DEPDC4: variants seen among roughly 807,000 people sequenced by gnomAD.
The protein encoded by DEPDC4 is DEP domain containing 4.
Under a neutral mutation model 52.0 loss-of-function variants are expected in DEPDC4, and 52 were observed. That is an observed-to-expected ratio of 1.00 (90% CI 0.80 to 1.26). The LOEUF (loss-of-function observed/expected upper bound fraction) is 1.26. DEPDC4 is among the 50% of genes most tolerant of loss of function. DEPDC4 has a pLI of 0.00. For synonymous variants in DEPDC4, 201 were observed against 196.8 expected, an observed-to-expected ratio of 1.02 and a Z score of -0.18; for missense variants, 530 against 546.9, an observed-to-expected ratio of 0.97 and a Z score of 0.31.
Position 100,262,287 on chromosome 12 carries a change from G to A in DEPDC4, c.677C>T (p.Pro226Leu), listed in dbSNP as rs552169108. ...ALCPNITVQKPFLRLSKEDVW... is the reference protein window; with the variant it reads ...ALCPNITVQKLFLRLSKEDVW... Reference sequence around the variant, plus strand: ...ACCTTCTTTTGAAAGCCGGAGAAAAGGTTTCTGAACTGTGATATTTGGACA... The same window carrying A: ...ACCTTCTTTTGAAAGCCGGAGAAAAAGTTTCTGAACTGTGATATTTGGACA... The change falls in exon 3 of 10, where the codon CCT becomes CTT. Residue 226 changes from proline (P) to leucine (L), a missense_variant. Physicochemically the swap from Pro to Leu is moderately conservative, Grantham distance 98. Coordinates refer to ENST00000550587, the MANE Select transcript of DEPDC4 (RefSeq NM_001364818.2). 598 of 1,605,986 alleles carry A rather than the reference G, an allele frequency of 3.7e-4. 10 individuals are homozygous for A. The South Asian group carries it at 6.4e-3, about 17-fold the overall frequency.
At chr12:100,262,774 A>G (rs2096258329) in intron 2 of DEPDC4, among the ~76,000 whole-genome samples, 2 of 152,206 alleles carry the variant, frequency 1.3e-5, no homozygotes, top group Admixed American at 6.5e-5. Context: ...TTCCTGGTAT[A>G]AACTCTGAAA....
At chr12:100,279,052 G>C in the DEPDC4 span, among the ~76,000 whole-genome samples, 2 of 152,148 alleles carry the variant, frequency 1.3e-5, no homozygotes, top group African/African-American at 4.8e-5. Context: ...GGGTTTCTTT[G>C]TGTTTATCCT....
At chr12:100,271,534 G>C (rs888028479), upstream of DEPDC4, among the ~76,000 whole-genome samples, 5 of 152,088 alleles carry the variant, frequency 3.3e-5, no homozygotes, top group Non-Finnish European at 7.4e-5. Context: ...AGACCTTTGT[G>C]CCCCTTTAAG....
At chr12:100,260,026 T>C (rs1278776149) in intron 3 of DEPDC4, among the ~76,000 whole-genome samples, 2 of 152,008 alleles carry the variant, frequency 1.3e-5, no homozygotes, top group African/African-American at 4.8e-5. Flanking sequence ...CTTTACAGGC[T>C]ACTGTAAAAT....
At chr12:100,246,162 T>C (rs1414899321) in intron 8 of DEPDC4, among the ~76,000 whole-genome samples, 1 of 151,878 alleles carries the variant, frequency 6.6e-6, no homozygotes, top group Non-Finnish European at 1.5e-5. Context: ...CATTTTGTTT[T>C]GCCTTATGCC....
intron 2 of DEPDC4, 47 bp from the exon 3 acceptor site, chr12:100,262,456 A>G (rs751111946): frequency 7.1e-7 from 1 of 1,405,652 alleles, no homozygotes; most frequent in African/African-American, 1.5e-5. Context: ...ACAGAACCAA[A>G]ATTTCAAATA....
At chr12:100,263,459 TA>T (rs746795956) in intron 2 of DEPDC4, 37 bp downstream of exon 2, 9 of 1,481,826 alleles carry the variant, frequency 6.1e-6, no homozygotes, top group Non-Finnish European at 7.2e-6. Context: ...TTCTAGGGTC[TA>T]AATAAAATAT....
Position 100,256,149 on chromosome 12 carries a change from G to C in DEPDC4, c.778C>G (p.Pro260Ala). ...LPFLDNILEP[P>A]VKTQNLQLNK... ...AGTTGAAGATTTTGTGTTTTAACTG[G>C]AGGCTCCAAAATATTGTCCAAGAAT... Residue 260 changes from proline (P) to alanine (A), a missense_variant, in exon 4 of 10, where the codon CCA becomes GCA. Pro to Ala is a conservative substitution (Grantham distance 27). Coordinates refer to ENST00000550587, the MANE Select transcript of DEPDC4 (RefSeq NM_001364818.2). 1 of 1,613,006 alleles carries C rather than the reference G, an allele frequency of 6.2e-7. No individual in the cohort carries two copies. Among genetic ancestry groups the C allele is most frequent in the Non-Finnish European group, 8.5e-7 (1 of 1,179,230 alleles).
chr12:100,268,448 A>C (rs1250819181), upstream of DEPDC4, among the ~76,000 whole-genome samples: 1 of 152,208 alleles, frequency 6.6e-6, no homozygotes, highest in Non-Finnish European at 1.5e-5. Flanking sequence ...ATATTTTTAA[A>C]ATATTTAAAA....
At chr12:100,243,368 T>C (rs2096168338) in intron 8 of DEPDC4, among the ~76,000 whole-genome samples, 1 of 152,156 alleles carries the variant, frequency 6.6e-6, no homozygotes, top group Non-Finnish European at 1.5e-5. Context: ...TAACCATCTA[T>C]TTCAAACTAT....
chr12:100,280,153 AT>A, the DEPDC4 span, among the ~76,000 whole-genome samples: 55 of 152,280 alleles, frequency 3.6e-4, no homozygotes, highest in African/African-American at 1.3e-3. Flanking sequence ...TGTTTAATAC[AT>A]TTTGTTCAGT....
At chr12:100,254,795 C>T (rs2096225477) in intron 4 of DEPDC4, among the ~76,000 whole-genome samples, 2 of 151,524 alleles carry the variant, frequency 1.3e-5, no homozygotes, top group Non-Finnish European at 2.9e-5. Flanking sequence ...AGTCATAGCT[C>T]ACTCTAACTT....
At chr12:100,244,473 A>G (rs11110311) in intron 8 of DEPDC4, among the ~76,000 whole-genome samples, 11,818 of 151,540 alleles carry the variant, frequency 0.078, 1,060 homozygotes, top group African/African-American at 0.22. Flanking sequence ...GAGCCACAGC[A>G]TCCGGCCTAT....
At chr12:100,244,842 C>A (rs1281833597) in intron 8 of DEPDC4, among the ~76,000 whole-genome samples, 2 of 150,360 alleles carry the variant, frequency 1.3e-5, no homozygotes, top group Non-Finnish European at 3.0e-5. Flanking sequence ...ATCTCAACCA[C>A]AACGTCCCAT....
downstream of DEPDC4, among the ~76,000 whole-genome samples, chr12:100,235,180 G>A (rs1350163283): frequency 1.3e-5 from 2 of 151,742 alleles, no homozygotes; most frequent in African/African-American, 2.4e-5. Context: ...AACAAAATAA[G>A]ATATTTAAAG....
In DEPDC4 at chr12:100,241,609, T is replaced by G; in HGVS notation, c.*283A>C. 1.0e-6 allele frequency: 1 copy of G among 990,252 alleles called. No homozygotes were observed. The highest frequency in any genetic ancestry group is 1.3e-6 in the Non-Finnish European group (1 of 792,108). 61.3% of individuals were successfully genotyped at this position (990,252 alleles called of 1,614,324 possible). A position where few individuals can be genotyped will look rare whatever the true frequency, so the allele number is the denominator to read the frequency against. On this transcript the variant is annotated 3_prime_UTR_variant, in exon 10 of 10. Coordinates refer to ENST00000550587, the MANE Select transcript of DEPDC4 (RefSeq NM_001364818.2). The stretch of plus-strand genomic sequence containing the variant: ...TTCTCTGAAGTGTAAGTATGGCAAT[T>G]TGAGAAAACCACCAGAGAATTGTTT...
intron 7 of DEPDC4, among the ~76,000 whole-genome samples, chr12:100,249,449 G>C (rs1473199744): frequency 6.6e-6 from 1 of 152,100 alleles, no homozygotes; most frequent in Non-Finnish European, 1.5e-5. Context: ...AGAAGTTCAA[G>C]ACCAGTCTGG....
chr12:100,248,806 T>C lies in DEPDC4; in HGVS notation c.1453+94A>G, dbSNP rs565165677. 1.1e-3 allele frequency: 483 copies of C among 434,698 alleles called. 3 individuals are homozygous for C. Among genetic ancestry groups the C allele is most frequent in the Middle Eastern group, 0.01 (9 of 892 alleles). 26.9% of individuals were successfully genotyped at this position (434,698 alleles called of 1,614,324 possible). A position where few individuals can be genotyped will look rare whatever the true frequency, so the allele number is the denominator to read the frequency against. ...TAACCACTTTTTACAACATTTTACA[T>C]ATATTTATTACATACTCATCTTTGA... On this transcript the variant is annotated intron_variant, in intron 8 of 9. Transcript: ENST00000550587.
At chr12:100,252,568 T>A (rs1160576314) in intron 5 of DEPDC4, 32 bp from the exon 6 acceptor site, 4 of 1,556,844 alleles carry the variant, frequency 2.6e-6, no homozygotes, top group African/African-American at 2.8e-5. Flanking sequence ...AAACAAAGCA[T>A]AAGATGAAAA....
Sources: allele counts gnomAD v4.1 joint callset (sites outside exome capture counted in the v4.1 genomes callset), GRCh38; gene constraint gnomAD v4.1.1; transcripts MANE v1.5; gene names NCBI Gene and HGNC (gene_info 2026-07-23, HGNC 2026-07-21).